BFSP2: variants seen among roughly 807,000 people sequenced by gnomAD.
BFSP2 encodes phakinin.
BFSP2 carries 38 observed loss-of-function variants against 44.9 expected under a neutral mutation model. That is an observed-to-expected ratio of 0.85 (90% CI 0.65 to 1.11). The LOEUF (loss-of-function observed/expected upper bound fraction) is 1.11. Among genes scored for constraint, BFSP2 ranks in the 50% least tolerant of loss-of-function variants. The pLI is 0.00. For synonymous variants in BFSP2, 197 were observed against 209.9 expected, an observed-to-expected ratio of 0.94 and a Z score of 0.53; for missense variants, 525 against 533.0, an observed-to-expected ratio of 0.99 and a Z score of 0.15.
intron 1 of BFSP2, among the ~76,000 whole-genome samples, chr3:133,424,493 C>CA (rs1194734355): frequency 1.2e-5 from 1 of 83,728 alleles, no homozygotes; most frequent in Non-Finnish European, 2.3e-5. Flanking sequence ...GTTCCAGTCT[C>CA]AGCCCACCAA....
Position 133,446,607 on chromosome 3 carries a change from T to C in BFSP2, c.490-710T>C, listed in dbSNP as rs1286426144. Among the ~76,000 whole-genome samples, 2 of 44,770 alleles carry C rather than the reference T, an allele frequency of 4.5e-5. 1 individual carries two copies. Among genetic ancestry groups the C allele is most frequent in the African/African-American group, 2.1e-4 (2 of 9,516 alleles). 29.4% of individuals were successfully genotyped at this position (44,770 alleles called of 152,430 possible). A position where few individuals can be genotyped will look rare whatever the true frequency, so the allele number is the denominator to read the frequency against. On this transcript the variant is annotated intron_variant, in intron 1 of 6. Transcript: ENST00000302334. ...ATATATATATATATATATATATATA[T>C]ATATATATATATATATATATATATA...
At chr3:133,406,066 TC>T (rs1559956149) in intron 1 of BFSP2, among the ~76,000 whole-genome samples, 1 of 152,084 alleles carries the variant, frequency 6.6e-6, no homozygotes, top group Admixed American at 6.5e-5. Flanking sequence ...TTCTCCTGCC[TC>T]AGCCTCCCAA....
intron 1 of BFSP2, among the ~76,000 whole-genome samples, chr3:133,411,963 G>A (rs1322819740): frequency 1.3e-5 from 2 of 152,112 alleles, no homozygotes; most frequent in South Asian, 2.1e-4. Context: ...TATTAGACAC[G>A]AGAAAAGATA....
At chr3:133,434,149 G>A (rs2073757469) in intron 1 of BFSP2, among the ~76,000 whole-genome samples, 1 of 152,096 alleles carries the variant, frequency 6.6e-6, no homozygotes, top group Admixed American at 6.5e-5. Flanking sequence ...AATTTTTGCT[G>A]GCAGGACTAT....
intron 1 of BFSP2, among the ~76,000 whole-genome samples, chr3:133,443,254 T>C (rs924777370): frequency 2.0e-5 from 3 of 152,038 alleles, no homozygotes; most frequent in Non-Finnish European, 4.4e-5. Context: ...AGTATGCAAG[T>C]GTGGAGCTGA....
At chr3:133,426,196 T>A (rs2073652903) in intron 1 of BFSP2, among the ~76,000 whole-genome samples, 1 of 151,882 alleles carries the variant, frequency 6.6e-6, no homozygotes, top group African/African-American at 2.4e-5. Context: ...CCTTCTTCAG[T>A]TGACCGCCTG....
intron 4 of BFSP2, among the ~76,000 whole-genome samples, chr3:133,451,524 T>C (rs544651424): frequency 6.6e-6 from 1 of 152,332 alleles, no homozygotes; most frequent in South Asian, 2.1e-4. Context: ...CCAATAAAAC[T>C]TTATTTACAA....
At chr3:133,467,898 A>G (rs2074127143) in intron 5 of BFSP2, among the ~76,000 whole-genome samples, 1 of 152,162 alleles carries the variant, frequency 6.6e-6, no homozygotes, top group African/African-American at 2.4e-5. Context: ...TGAGGATCTG[A>G]GGGGAGGAAA....
In BFSP2 at chr3:133,466,859, C is replaced by T; in HGVS notation, c.923C>T (p.Thr308Ile). The T allele has an allele frequency of 6.2e-7, 1 of 1,613,840 alleles. No homozygotes were observed. The highest frequency in any genetic ancestry group is 8.5e-7 in the Non-Finnish European group (1 of 1,179,984). The change falls in exon 5 of 7, where the codon ACC becomes ATC. Residue 308 changes from threonine (T) to isoleucine (I), a missense_variant. By Grantham distance (89) the Thr-to-Ile change is moderately conservative (BLOSUM62 -1). Transcript: ENST00000302334. ...QQAEVAHMSQ[T>I]QEEKLAAALR... The stretch of plus-strand genomic sequence containing the variant: ...GCGGAGGTGGCCCACATGTCCCAGA[C>T]CCAGGAGGAGAAGCTGGCAGCTGCC...
chr3:133,402,116 A>C (rs1339219430), intron 1 of BFSP2, among the ~76,000 whole-genome samples: 1 of 152,212 alleles, frequency 6.6e-6, no homozygotes, highest in Non-Finnish European at 1.5e-5. Context: ...AACAACCACC[A>C]GAACATCCCT....
intron 1 of BFSP2, among the ~76,000 whole-genome samples, chr3:133,433,048 CAT>C (rs2073743297): frequency 1.3e-5 from 2 of 152,208 alleles, no homozygotes; most frequent in African/African-American, 4.8e-5. Flanking sequence ...ATACCTGACA[CAT>C]ATACTTTCTG....
At chr3:133,450,046 G>A (rs1366135676) in intron 3 of BFSP2, among the ~76,000 whole-genome samples, 1 of 145,330 alleles carries the variant, frequency 6.9e-6, no homozygotes, top group Non-Finnish European at 1.5e-5. Flanking sequence ...GAAGGAGGGA[G>A]GAAGAAAGAA....
At position 133,474,576 on chromosome 3, in the gene BFSP2, A is replaced by G. The variant is rs564687347; in HGVS notation, c.1245-393A>G. On this transcript the variant is annotated intron_variant, in intron 6 of 6. Transcript: ENST00000302334. The stretch of plus-strand genomic sequence containing the variant: ...CAAAGTATTTTTTTTTCAGATGCCT[A>G]TGAGCATCTGTATAAACACACAAAG... 1.1e-4 allele frequency among the ~76,000 whole-genome samples: 16 copies of G among 152,300 alleles called. No homozygotes were observed. In the South Asian group the frequency reaches 1.4e-3, roughly 14 times the overall value.
chr3:133,425,412 T>C (rs2073633987), intron 1 of BFSP2, among the ~76,000 whole-genome samples: 1 of 152,190 alleles, frequency 6.6e-6, no homozygotes, highest in Non-Finnish European at 1.5e-5. Flanking sequence ...GCAGCTTTGG[T>C]TTGATAGGGC....
At position 133,448,267 on chromosome 3, in the gene BFSP2, T is replaced by C. The variant is rs149029773; in HGVS notation, c.573-222T>C. ...TGTTGCAACACTCCCATGAGGCTGGTAGCCCGGGAAGCCAGGTTATCAGAA... is the reference window on the plus strand; with the variant it reads ...TGTTGCAACACTCCCATGAGGCTGGCAGCCCGGGAAGCCAGGTTATCAGAA... On this transcript the variant is annotated intron_variant, in intron 2 of 6. Coordinates refer to ENST00000302334, the MANE Select transcript of BFSP2 (RefSeq NM_003571.4). Among the ~76,000 whole-genome samples, 368 of 152,330 alleles carry C rather than the reference T, an allele frequency of 2.4e-3. 5 individuals are homozygous for C. Among genetic ancestry groups the C allele is most frequent in the African/African-American group, 8.3e-3 (346 of 41,564 alleles).
chr3:133,450,370 C>A lies in BFSP2; in HGVS notation c.797C>A (p.Thr266Asn). ...GAACAAATGGATGCTCCCATTGGCACTGGTCTGGACGACATCCTTGAGACG... is the reference window on the plus strand; with the variant it reads ...GAACAAATGGATGCTCCCATTGGCAATGGTCTGGACGACATCCTTGAGACG... ...ELEQMDAPIGTGLDDILETIR... is the reference protein window; with the variant it reads ...ELEQMDAPIGNGLDDILETIR... The change falls in exon 4 of 7, where the codon ACT (threonine) becomes AAT (asparagine). Residue 266 changes from threonine to asparagine, a missense_variant. By Grantham distance (65) the Thr-to-Asn change is moderately conservative (BLOSUM62 0). Coordinates refer to ENST00000302334, the MANE Select transcript of BFSP2 (RefSeq NM_003571.4). 6.2e-7 allele frequency: 1 copy of A among 1,614,172 alleles called. No individual in the cohort carries two copies. Among genetic ancestry groups the A allele is most frequent in the Non-Finnish European group, 8.5e-7 (1 of 1,180,034 alleles).
At chr3:133,413,260 C>A (rs1020061988) in intron 1 of BFSP2, among the ~76,000 whole-genome samples, 1 of 151,858 alleles carries the variant, frequency 6.6e-6, no homozygotes, top group East Asian at 1.9e-4. Flanking sequence ...GCAGGGGAAG[C>A]CTTCAGAACT....
chr3:133,427,246 T>A (rs1297023348), intron 1 of BFSP2, among the ~76,000 whole-genome samples: 2 of 152,238 alleles, frequency 1.3e-5, no homozygotes, highest in African/African-American at 4.8e-5. Flanking sequence ...CCTTAGACCT[T>A]CGTCACCATT....
chr3:133,420,922 A>G (rs2073587237), intron 1 of BFSP2, among the ~76,000 whole-genome samples: 1 of 152,212 alleles, frequency 6.6e-6, no homozygotes, highest in African/African-American at 2.4e-5. Flanking sequence ...GAGTTAGAAC[A>G]TAGCAAGTCC....
Sources: allele counts gnomAD v4.1 joint callset (sites outside exome capture counted in the v4.1 genomes callset), GRCh38; gene constraint gnomAD v4.1.1; transcripts MANE v1.5; gene names NCBI Gene and HGNC (gene_info 2026-07-23, HGNC 2026-07-21).